The following TPRG1 variants were observed in gnomAD, a reference collection of about 807,000 sequenced individuals.
The protein encoded by TPRG1 is tumor protein p63 regulated 1.
A neutral mutation model predicts 29.3 loss-of-function variants in TPRG1; 29 were observed. The observed-to-expected ratio is 0.99, with a 90% CI of 0.74 to 1.35. The LOEUF (loss-of-function observed/expected upper bound fraction) is 1.35, where lower values mean the gene tolerates loss of function less well. Ranked by LOEUF, TPRG1 falls within the 40% of genes most tolerant of loss-of-function variation. The pLI is 0.00. For synonymous variants in TPRG1, 130 were observed against 116.8 expected (o/e 1.11, Z -0.73); for missense variants, 327 against 335.0 (o/e 0.98, Z 0.19).
intron 4 of TPRG1, among the ~76,000 whole-genome samples, chr3:189,082,568 T>A (rs1159890149): frequency 6.6e-6 from 1 of 152,174 alleles, no homozygotes; most frequent in Admixed American, 6.5e-5. Context: ...TCACAACGGA[T>A]GCCAAGTCCA....
chr3:189,172,213 G>C (rs920421594), intron 1 of TPRG1, 82 bp downstream of exon 1: 4 of 152,276 alleles, frequency 2.6e-5, no homozygotes, highest in African/African-American at 9.7e-5. Context: ...CCTAAGCCGA[G>C]TTTCTGGTCA....
chr3:189,038,423 A>C (rs370610362), intron 4 of TPRG1, among the ~76,000 whole-genome samples: 2 of 152,172 alleles, frequency 1.3e-5, no homozygotes, highest in African/African-American at 4.8e-5. Flanking sequence ...TTTTAAAAGC[A>C]TATAGTATTG....
At chr3:189,112,852 G>A (rs936832862) in intron 1 of TPRG1, among the ~76,000 whole-genome samples, 9 of 152,050 alleles carry the variant, frequency 5.9e-5, no homozygotes, top group East Asian at 1.9e-4. Flanking sequence ...TTGACTTGGC[G>A]TTGCAGGCTC....
At chr3:189,098,058 C>G (rs749852412), upstream of TPRG1, among the ~76,000 whole-genome samples, 1 of 152,164 alleles carries the variant, frequency 6.6e-6, no homozygotes, top group Non-Finnish European at 1.5e-5. Context: ...TTGGTTTAGA[C>G]ATCGTCTCCT....
At chr3:189,163,069 C>T (rs563286224) in intron 5 of TPRG1, among the ~76,000 whole-genome samples, 3 of 152,072 alleles carry the variant, frequency 2.0e-5, no homozygotes, top group South Asian at 2.1e-4. Context: ...GTCAGGAGTT[C>T]GAGACAAGCC....
At chr3:189,224,782 G>A (rs1737458745) in intron 3 of TPRG1, among the ~76,000 whole-genome samples, 1 of 152,104 alleles carries the variant, frequency 6.6e-6, no homozygotes, top group African/African-American at 2.4e-5. Context: ...CCTTCAGAAA[G>A]GCTGTGTGCT....
At chr3:189,307,198 T>C (rs570136109) in intron 4 of TPRG1, among the ~76,000 whole-genome samples, 2 of 152,268 alleles carry the variant, frequency 1.3e-5, no homozygotes, top group East Asian at 3.9e-4. Flanking sequence ...AATTTTTGTA[T>C]TTTTAGTAGA....
intron 3 of TPRG1, among the ~76,000 whole-genome samples, chr3:189,237,317 A>T (rs181877032): frequency 3.3e-5 from 5 of 152,128 alleles, no homozygotes; most frequent in Admixed American, 6.5e-5. Context: ...ACACGCACTC[A>T]CACACACAGG....
At chr3:189,243,247 G>A (rs1277278727) in intron 4 of TPRG1, among the ~76,000 whole-genome samples, 1 of 152,082 alleles carries the variant, frequency 6.6e-6, no homozygotes, top group African/African-American at 2.4e-5. Context: ...GAGAGAGAGG[G>A]GTAGGTGCTA....
chr3:189,216,637 C>G (rs1736110602), intron 3 of TPRG1, among the ~76,000 whole-genome samples: 1 of 152,152 alleles, frequency 6.6e-6, no homozygotes, highest in Admixed American at 6.6e-5. Context: ...GCTGTTAGTG[C>G]CCCTCTTCGT....
chr3:189,223,633 G>A (rs1451472108), intron 3 of TPRG1, among the ~76,000 whole-genome samples: 1 of 152,184 alleles, frequency 6.6e-6, no homozygotes, highest in Non-Finnish European at 1.5e-5. Flanking sequence ...CTCAGAAAAA[G>A]TCAAGAGGTG....
At chr3:189,164,111 G>A (rs543701672) in intron 5 of TPRG1, among the ~76,000 whole-genome samples, 160 of 152,132 alleles carry the variant, frequency 1.1e-3, no homozygotes, top group Middle Eastern at 6.8e-3. Context: ...TTTATAATGT[G>A]AACAATTGTT....
At chr3:189,217,939 TC>T (rs1736320431) in intron 3 of TPRG1, 2 of 984,374 alleles carry the variant, frequency 2.0e-6, no homozygotes, top group Non-Finnish European at 2.4e-6. Context: ...AAATCCCAAC[TC>T]CCCCAACAGC....
chr3:189,300,073 A>G (rs777387034), intron 4 of TPRG1, among the ~76,000 whole-genome samples: 1 of 152,218 alleles, frequency 6.6e-6, no homozygotes, highest in Non-Finnish European at 1.5e-5. Context: ...AGTGAACTCT[A>G]TAATGATTAT....
intron 4 of TPRG1, among the ~76,000 whole-genome samples, chr3:189,024,574 G>T (rs1713555570): frequency 6.6e-6 from 1 of 152,192 alleles, no homozygotes; most frequent in South Asian, 2.1e-4. Context: ...TGTGCTGGGG[G>T]GTTTCTTCCT....
intron 5 of TPRG1, among the ~76,000 whole-genome samples, chr3:189,155,004 G>C (rs1578571170): frequency 6.6e-6 from 1 of 152,224 alleles, no homozygotes; most frequent in South Asian, 2.1e-4. Flanking sequence ...CTATGTGACT[G>C]TCTGTGGAAA....
At chr3:189,115,895 A>C (rs1254940944) in intron 1 of TPRG1, among the ~76,000 whole-genome samples, 3 of 152,156 alleles carry the variant, frequency 2.0e-5, no homozygotes, top group Non-Finnish European at 4.4e-5. Flanking sequence ...TTCCTTTTAC[A>C]GATGTTTGTC....
At chr3:189,212,549 A>C (rs1735431623) in intron 2 of TPRG1, among the ~76,000 whole-genome samples, 1 of 140,740 alleles carries the variant, frequency 7.1e-6, no homozygotes, top group Non-Finnish European at 1.5e-5. Context: ...AAATCCTGTG[A>C]AGATTGTAAA....
At chr3:189,241,813 T>A (rs527319077) in intron 4 of TPRG1, among the ~76,000 whole-genome samples, 53 of 152,324 alleles carry the variant, frequency 3.5e-4, no homozygotes, top group African/African-American at 1.3e-3. Flanking sequence ...TTTCTCTTGC[T>A]GCCACCATGT....
Sources: gnomAD v4.1 joint callset for allele counts (sites outside exome capture counted in the v4.1 genomes callset) on GRCh38, gnomAD v4.1.1 for gene constraint, MANE v1.5 for transcripts, NCBI Gene and HGNC (gene_info 2026-07-23, HGNC 2026-07-21) for gene names.